C4orf17: variants seen among roughly 807,000 people sequenced by gnomAD.
C4orf17 encodes the protein chromosome 4 open reading frame 17.
A neutral mutation model predicts 32.0 loss-of-function variants in C4orf17; 25 were observed. The ratio of observed to expected loss-of-function variants is 0.78; its 90% CI spans 0.57 to 1.09. C4orf17 has a LOEUF of 1.09. Among genes scored for constraint, C4orf17 ranks in the 50% least tolerant of loss-of-function variants. The probability of loss-of-function intolerance (pLI) is 0.00; values close to 1 mark genes in which losing one functional copy is unlikely to be tolerated. For missense variants in C4orf17, 420 were observed against 420.0 expected, an observed-to-expected ratio of 1.00 and a Z score of 0.00; for synonymous variants, 149 against 145.8, an observed-to-expected ratio of 1.02 and a Z score of -0.16.
chr4:99,534,388 C>G (rs1478466691), intron 5 of C4orf17, among the ~76,000 whole-genome samples: 1 of 152,126 alleles, frequency 6.6e-6, no homozygotes, highest in African/African-American at 2.4e-5. Flanking sequence ...CATTGATGGG[C>G]ATTTAGGTTG....
chr4:99,528,585 G>A (rs999388375), intron 4 of C4orf17, among the ~76,000 whole-genome samples: 1 of 152,144 alleles, frequency 6.6e-6, no homozygotes, highest in African/African-American at 2.4e-5. Context: ...CCAAGACTGG[G>A]TAATTTATAA....
At chr4:99,520,799 C>A (rs933974112) in intron 2 of C4orf17, among the ~76,000 whole-genome samples, 9 of 152,124 alleles carry the variant, frequency 5.9e-5, no homozygotes, top group African/African-American at 1.9e-4. Flanking sequence ...TTAAATGGCA[C>A]TTATTCATTA....
Position 99,529,099 on chromosome 4 carries a change from A to G in C4orf17, c.403-716A>G, listed in dbSNP as rs189296236. Among the ~76,000 whole-genome samples, 459 of 152,326 alleles carry G rather than the reference A, an allele frequency of 3.0e-3. 3 individuals carry two copies. Among genetic ancestry groups the G allele is most frequent in the South Asian group, 0.011 (53 of 4,824 alleles). Reference sequence around the variant, plus strand: ...CATAAAGTTAAATATTGTTTTATCAATTCCAATCATCAAAATCCCAGGTTG... The same window carrying G: ...CATAAAGTTAAATATTGTTTTATCAGTTCCAATCATCAAAATCCCAGGTTG... On this transcript the variant is annotated intron_variant, in intron 4 of 8. Coordinates refer to ENST00000326581, the MANE Select transcript of C4orf17 (RefSeq NM_032149.3).
At chr4:99,517,234 G>A (rs1297547488) in intron 2 of C4orf17, among the ~76,000 whole-genome samples, 1 of 152,142 alleles carries the variant, frequency 6.6e-6, no homozygotes, top group Non-Finnish European at 1.5e-5. Flanking sequence ...CAGGTCTCAT[G>A]CTATCCTTGA....
chr4:99,534,391 T>C (rs556385506), intron 5 of C4orf17, among the ~76,000 whole-genome samples: 2 of 152,364 alleles, frequency 1.3e-5, no homozygotes, highest in East Asian at 3.9e-4. Flanking sequence ...TGATGGGCAT[T>C]TAGGTTGATT....
chr4:99,512,186 A>G (rs1053416656), intron 1 of C4orf17, among the ~76,000 whole-genome samples: 1 of 152,236 alleles, frequency 6.6e-6, no homozygotes, highest in East Asian at 1.9e-4. Context: ...GTATTTCCCA[A>G]TTCTGCTACG....
intron 6 of C4orf17, among the ~76,000 whole-genome samples, chr4:99,538,328 C>T (rs914107826): frequency 1.3e-5 from 2 of 152,168 alleles, no homozygotes; most frequent in Non-Finnish European, 2.9e-5. Flanking sequence ...TGTAGTTGAT[C>T]ATCAGACTGA....
chr4:99,516,466 C>T (rs1723182848), intron 2 of C4orf17, among the ~76,000 whole-genome samples: 1 of 152,308 alleles, frequency 6.6e-6, no homozygotes, highest in African/African-American at 2.4e-5. Flanking sequence ...TTTATTCATT[C>T]AGCCATCTAT....
intron 5 of C4orf17, chr4:99,536,156 G>A: frequency 3.5e-6 from 1 of 282,078 alleles, no homozygotes; most frequent in Non-Finnish European, 7.0e-6. Flanking sequence ...TCCTATAGGA[G>A]GTGTGTAGAG....
At chr4:99,512,140 C>T (rs527696148) in intron 1 of C4orf17, among the ~76,000 whole-genome samples, 29 of 152,274 alleles carry the variant, frequency 1.9e-4, no homozygotes, top group African/African-American at 6.7e-4. Flanking sequence ...ATTATTCTAA[C>T]CCAAAAAGTC....
intron 4 of C4orf17, among the ~76,000 whole-genome samples, chr4:99,525,497 C>T (rs1020097479): frequency 1.3e-5 from 2 of 152,242 alleles, no homozygotes; most frequent in Non-Finnish European, 2.9e-5. Flanking sequence ...TCGTCCACTT[C>T]TTACATTGGG....
rs754598695 is a variant in C4orf17, at chr4:99,539,361, A to G, written c.827A>G (p.Gln276Arg). 6 of 1,613,770 alleles carry G rather than the reference A, an allele frequency of 3.7e-6. No individual in the cohort carries two copies. In the African/African-American group the frequency reaches 6.7e-5, roughly 18 times the overall value. ...CTGACCAGAGATACAGAAGGGGATC[A>G]ACCAACCAGGTAATTAGATATAATG... ...KVLTRDTEGD[Q>R]PTRVSSQGSE... The change falls in exon 7 of 9, where the codon CAA becomes CGA. Residue 276 changes from glutamine to arginine, a missense_variant. Physicochemically the swap from Gln to Arg is conservative, Grantham distance 43. Coordinates refer to ENST00000326581, the MANE Select transcript of C4orf17 (RefSeq NM_032149.3).
At chr4:99,525,271 C>T (rs1723367668) in intron 4 of C4orf17, among the ~76,000 whole-genome samples, 1 of 152,118 alleles carries the variant, frequency 6.6e-6, no homozygotes, top group African/African-American at 2.4e-5. Flanking sequence ...ATGATTGTCC[C>T]ATTTTACATT....
intron 6 of C4orf17, 30 bp downstream of exon 6, chr4:99,537,780 T>C (rs1319138158): frequency 1.3e-6 from 2 of 1,485,622 alleles, no homozygotes; most frequent in Admixed American, 1.7e-5. Flanking sequence ...TTTAAAACAC[T>C]GAGCTCAATT....
intron 6 of C4orf17, 75 bp from the exon 7 acceptor site, chr4:99,539,088 G>GAT: frequency 7.6e-7 from 1 of 1,313,400 alleles, no homozygotes; most frequent in Non-Finnish European, 1.1e-6. Context: ...TCAGGAGCTG[G>GAT]ATATTCCTGT....
chr4:99,524,049 C>G (rs192855919), intron 3 of C4orf17, among the ~76,000 whole-genome samples: 56 of 149,070 alleles, frequency 3.8e-4, no homozygotes, highest in Non-Finnish European at 4.9e-4. Flanking sequence ...GTGCAATCTC[C>G]GCTCACTGCA....
intron 2 of C4orf17, among the ~76,000 whole-genome samples, chr4:99,514,941 T>C (rs115682047): frequency 4.6e-5 from 7 of 152,264 alleles, no homozygotes; most frequent in East Asian, 1.9e-4. Context: ...AATGAAATAA[T>C]GTCTTTTGCA....
intron 5 of C4orf17, among the ~76,000 whole-genome samples, chr4:99,531,521 C>A (rs1723476227): frequency 6.6e-6 from 1 of 152,074 alleles, no homozygotes; most frequent in South Asian, 2.1e-4. Flanking sequence ...TATGAAAGAG[C>A]CCTCCTCTCA....
chr4:99,516,160 A>G (rs1723177292), intron 2 of C4orf17, among the ~76,000 whole-genome samples: 1 of 152,258 alleles, frequency 6.6e-6, no homozygotes, highest in Non-Finnish European at 1.5e-5. Context: ...TCAATTTCAA[A>G]CATATAACAA....
Sources: gnomAD v4.1 joint callset for allele counts (sites outside exome capture counted in the v4.1 genomes callset) on GRCh38, gnomAD v4.1.1 for gene constraint, MANE v1.5 for transcripts, NCBI Gene and HGNC (gene_info 2026-07-23, HGNC 2026-07-21) for gene names.